The following TMEM230 variants were observed in gnomAD, a reference collection of about 807,000 sequenced individuals.
TMEM230 encodes transmembrane protein 230.
In TMEM230, 10 loss-of-function variants were observed where a neutral mutation model predicts 15.8. The observed-to-expected ratio is 0.63, with a 90% CI of 0.39 to 1.07. TMEM230 has a LOEUF of 1.07. Among genes scored for constraint, TMEM230 ranks in the 50% least tolerant of loss-of-function variants. The pLI, the probability that TMEM230 is intolerant of heterozygous loss-of-function variation, is 0.01. For missense variants in TMEM230, 165 were observed against 193.3 expected, an observed-to-expected ratio of 0.85 and a Z score of 0.87; for synonymous variants, 67 against 76.9, an observed-to-expected ratio of 0.87 and a Z score of 0.68.
Position 5,068,955 on chromosome 20 carries a change from G to T in TMEM230, c.*233C>A, listed in dbSNP as rs114909093. The T allele has an allele frequency of 9.9e-3, 4,787 of 482,758 alleles. 184 individuals carry two copies. The highest frequency in any genetic ancestry group is 0.081 in the African/African-American group (4,080 of 50,328). The allele number at this position is 482,758 out of a possible 1,614,324, so 29.9% of individuals were successfully genotyped here. A position where few individuals can be genotyped will look rare whatever the true frequency, so the allele number is the denominator to read the frequency against. On this transcript the variant is annotated 3_prime_UTR_variant, in exon 4 of 4. Coordinates refer to the TMEM230 transcript ENST00000612323. ...GAGGTGGGGCCATGGGGAGTGGTCT[G>T]CGCCATTCTCACCATTCACAAGAGG...
chr20:5,100,803 G>A lies in TMEM230; in HGVS notation c.540C>T (p.Asp180=). The A allele has an allele frequency of 6.2e-7, 1 of 1,613,534 alleles. No individual in the cohort carries two copies. The highest frequency in any genetic ancestry group is 8.5e-7 in the Non-Finnish European group (1 of 1,180,004). ...TATGGGGTGGGTGCTAGTCATCAAA[G>A]TCTGGAATGTCATCATAGGAGTAAC... is the stretch of plus-strand genomic sequence containing the variant. Residue 180 remains aspartate, a synonymous_variant, in exon 5 of 5, where the codon GAC becomes GAT. Transcript: ENST00000342308.
At chr20:5,096,098 C>A (rs1019127570), downstream of TMEM230, among the ~76,000 whole-genome samples, 2 of 152,230 alleles carry the variant, frequency 1.3e-5, no homozygotes, top group Non-Finnish European at 2.9e-5. Flanking sequence ...CCTGCCTGGG[C>A]TGGCAATCAA....
chr20:5,107,138 C>CA (rs1478204255), intron 3 of TMEM230, among the ~76,000 whole-genome samples: 1 of 152,102 alleles, frequency 6.6e-6, no homozygotes, highest in East Asian at 1.9e-4. Context: ...CTCGTCTCTA[C>CA]AAAAAATACA....
At chr20:5,085,812 C>T (rs2089319269) in intron 3 of TMEM230, among the ~76,000 whole-genome samples, 2 of 152,074 alleles carry the variant, frequency 1.3e-5, no homozygotes, top group Non-Finnish European at 2.9e-5. Flanking sequence ...AGGCCAGGCT[C>T]TTTTCCATGA....
chr20:5,074,438 C>T (rs951107180), intron 3 of TMEM230, among the ~76,000 whole-genome samples: 4 of 151,962 alleles, frequency 2.6e-5, no homozygotes, highest in African/African-American at 4.8e-5. Flanking sequence ...AGTTTACAAC[C>T]CCTAGAAGCC....
At chr20:5,064,040 G>A (rs1243040684), downstream of TMEM230, among the ~76,000 whole-genome samples, 5 of 152,042 alleles carry the variant, frequency 3.3e-5, no homozygotes, top group Admixed American at 3.3e-4. Flanking sequence ...CTGAAAGCAG[G>A]TGGATCACCT....
intron 3 of TMEM230, among the ~76,000 whole-genome samples, chr20:5,094,704 C>CA (rs774664710): frequency 0.013 from 781 of 61,194 alleles, 29 homozygotes; most frequent in African/African-American, 0.024. Context: ...GACTCCATCT[C>CA]AAAAAAAAAA....
At position 5,105,022 on chromosome 20, in the gene TMEM230, C is replaced by T. The variant is rs180763244; in HGVS notation, c.411+1166G>A. Among the ~76,000 whole-genome samples the T allele has an allele frequency of 1.4e-4, 22 of 152,330 alleles. No homozygotes were observed. The East Asian group carries it at 1.7e-3, about 12-fold the overall frequency. On this transcript the variant is annotated intron_variant, in intron 4 of 4. Coordinates refer to ENST00000342308, the MANE Select transcript of TMEM230 (RefSeq NM_001009923.2). ...AACTAAGGCTGGACGTGGTAGCTCA[C>T]GCCTGTAATCCCAGCACTTTAGGAG...
At chr20:5,073,776 T>A (rs2088902756) in intron 3 of TMEM230, among the ~76,000 whole-genome samples, 1 of 152,230 alleles carries the variant, frequency 6.6e-6, no homozygotes. Context: ...AGAATTATTT[T>A]GAGCTGAAGC....
chr20:5,065,587 G>C (rs545847326), downstream of TMEM230, among the ~76,000 whole-genome samples: 1 of 152,330 alleles, frequency 6.6e-6, no homozygotes, highest in African/African-American at 2.4e-5. Context: ...CAGGGGGCCA[G>C]AGCAGAGGCC....
Position 5,100,811 on chromosome 20 carries a change from T to C in TMEM230, c.532A>G (p.Ile178Val). 1 of 1,613,748 alleles carries C rather than the reference T, an allele frequency of 6.2e-7. No homozygotes were observed. Among genetic ancestry groups the C allele is most frequent in the Middle Eastern group, 1.7e-4 (1 of 5,724 alleles). Residue 178 changes from isoleucine (I) to valine (V), a missense_variant, in exon 5 of 5, where the codon ATT (isoleucine) becomes GTT (valine). Coordinates refer to ENST00000342308, the MANE Select transcript of TMEM230 (RefSeq NM_001009923.2). Reference sequence around the variant, plus strand: ...GGGTGCTAGTCATCAAAGTCTGGAATGTCATCATAGGAGTAACCACGGTAG... The same window carrying C: ...GGGTGCTAGTCATCAAAGTCTGGAACGTCATCATAGGAGTAACCACGGTAG...
In TMEM230 at chr20:5,076,976, T is replaced by G. The variant is rs569794334; in HGVS notation, c.223-7627A>C. On this transcript the variant is annotated intron_variant, in intron 3 of 3. Coordinates refer to the TMEM230 transcript ENST00000612323. ...TACAGGTGTGAGCCACCATGCCCAG[T>G]CAATTGATATTCTTTAAATTCATTC... Among the ~76,000 whole-genome samples the G allele has an allele frequency of 3.9e-4, 57 of 147,058 alleles. No individual in the cohort carries two copies. In the South Asian group the frequency reaches 0.013, roughly 32 times the overall value.
intron 4 of TMEM230, among the ~76,000 whole-genome samples, chr20:5,105,018 C>T (rs992327880): frequency 6.6e-6 from 1 of 152,240 alleles, no homozygotes; most frequent in Non-Finnish European, 1.5e-5. Flanking sequence ...GACGTGGTAG[C>T]TCACGCCTGT....
At chr20:5,091,172 T>C (rs1600335709) in intron 3 of TMEM230, among the ~76,000 whole-genome samples, 1 of 152,176 alleles carries the variant, frequency 6.6e-6, no homozygotes, top group Admixed American at 6.5e-5. Context: ...CTAATTTTTT[T>C]ATTCTTTGTA....
chr20:5,105,308 A>ATGTATGTATGTG lies in TMEM230; in HGVS notation c.411+868_411+879dup, dbSNP rs573559983. The stretch of plus-strand genomic sequence containing the variant: ...CTCCAAAATATATATATATGTATGT[A>ATGTATGTATGTG]TGTATGTATGTGTATATGTATATAT... On this transcript the variant is annotated intron_variant, in intron 4 of 4. Coordinates refer to ENST00000342308, the MANE Select transcript of TMEM230 (RefSeq NM_001009923.2). 1.3e-4 allele frequency among the ~76,000 whole-genome samples: 20 copies of ATGTATGTATGTG among 151,844 alleles called. No homozygotes were observed. The East Asian group carries it at 3.9e-3, about 29-fold the overall frequency.
chr20:5,070,047 C>T (rs966910637), intron 3 of TMEM230, among the ~76,000 whole-genome samples: 1 of 152,126 alleles, frequency 6.6e-6, no homozygotes, highest in Non-Finnish European at 1.5e-5. Context: ...ACCTTAGTGA[C>T]TTAAGAGTGG....
chr20:5,109,083 CT>C (rs1348629241), intron 3 of TMEM230: 1 of 294,484 alleles, frequency 3.4e-6, no homozygotes, highest in Non-Finnish European at 6.2e-6. Flanking sequence ...TAAATAAAAC[CT>C]GTAACTACAA....
intron 3 of TMEM230, among the ~76,000 whole-genome samples, chr20:5,074,814 A>T (rs1600276723): frequency 6.6e-6 from 1 of 151,804 alleles, no homozygotes; most frequent in Non-Finnish European, 1.5e-5. Flanking sequence ...ATTGCCTTTT[A>T]AAAAAAATTT....
chr20:5,106,324 A>T lies in TMEM230; in HGVS notation c.289-14T>A. Reference sequence around the variant, plus strand: ...GGTTTTCTTAAACTGGAAGAGAAATAGAGATGAAAAAGACAACGAAGAACA... The same window carrying T: ...GGTTTTCTTAAACTGGAAGAGAAATTGAGATGAAAAAGACAACGAAGAACA... On this transcript the variant is annotated splice_polypyrimidine_tract_variant and intron_variant, in intron 3 of 4. Coordinates refer to ENST00000342308, the MANE Select transcript of TMEM230 (RefSeq NM_001009923.2). 6.3e-7 allele frequency: 1 copy of T among 1,588,554 alleles called. No individual in the cohort carries two copies. Among genetic ancestry groups the T allele is most frequent in the Non-Finnish European group, 8.5e-7 (1 of 1,171,828 alleles).
Sources: allele counts gnomAD v4.1 joint callset (sites outside exome capture counted in the v4.1 genomes callset), GRCh38; gene constraint gnomAD v4.1.1; transcripts MANE v1.5; gene names NCBI Gene and HGNC (gene_info 2026-07-23, HGNC 2026-07-21).